DNAH3: variants seen among roughly 807,000 people sequenced by gnomAD.
DNAH3 encodes the protein axonemal beta dynein heavy chain 3.
In DNAH3, 332 loss-of-function variants were observed where a neutral mutation model predicts 432.5. The observed-to-expected ratio is 0.77, with a 90% CI of 0.70 to 0.84. The LOEUF (loss-of-function observed/expected upper bound fraction) is 0.84. DNAH3 is among the 40% of genes least tolerant of loss of function. The probability of loss-of-function intolerance (pLI) is 0.00; values close to 1 mark genes in which losing one functional copy is unlikely to be tolerated. For missense variants in DNAH3, 4,861 were observed against 5,114.0 expected, an observed-to-expected ratio of 0.95 and a Z score of 1.51; for synonymous variants, 1,956 against 1,900.2, an observed-to-expected ratio of 1.03 and a Z score of -0.76.
chr16:20,989,998 G>A (rs567669914), intron 44 of DNAH3, among the ~76,000 whole-genome samples: 1 of 152,352 alleles, frequency 6.6e-6, no homozygotes, highest in East Asian at 1.9e-4. Context: ...GCCGCGCGCA[G>A]CCCCGGTTCC....
At chr16:21,137,467 G>A (rs2092660045) in intron 5 of DNAH3, among the ~76,000 whole-genome samples, 1 of 149,580 alleles carries the variant, frequency 6.7e-6, no homozygotes, top group Admixed American at 6.7e-5. Context: ...TTGTCGCTCA[G>A]GCTGGAGTGC....
At chr16:21,107,332 C>T (rs190762760) in intron 14 of DNAH3, among the ~76,000 whole-genome samples, 128 of 149,532 alleles carry the variant, frequency 8.6e-4, no homozygotes, top group African/African-American at 3.0e-3. Flanking sequence ...CTCTGCTTCC[C>T]GGGCTCAAGC....
At chr16:20,984,208 CGTGT>C (rs142280534) in intron 48 of DNAH3, among the ~76,000 whole-genome samples, 2,291 of 149,374 alleles carry the variant, frequency 0.015, 43 homozygotes, top group African/African-American at 0.049. Context: ...CGCATGCGTG[CGTGT>C]GTGTGTGTGT....
chr16:21,009,791 C>T (rs956862892), intron 41 of DNAH3, among the ~76,000 whole-genome samples: 1 of 151,884 alleles, frequency 6.6e-6, no homozygotes, highest in African/African-American at 2.4e-5. Context: ...GGTGGGATCA[C>T]CTGGGCCTGG....
At chr16:21,151,486 C>T (rs1454599224) in intron 1 of DNAH3, among the ~76,000 whole-genome samples, 5 of 151,948 alleles carry the variant, frequency 3.3e-5, no homozygotes, top group South Asian at 2.1e-4. Flanking sequence ...TTAGTAGAGA[C>T]GGGGTTTCAC....
intron 49 of DNAH3, among the ~76,000 whole-genome samples, chr16:20,981,686 C>T (rs1018616496): frequency 1.3e-5 from 2 of 152,018 alleles, no homozygotes; most frequent in East Asian, 3.9e-4. Context: ...GATCGCACCA[C>T]TGCACTCCAA....
chr16:21,127,396 C>CAA (rs11342012), intron 8 of DNAH3, among the ~76,000 whole-genome samples: 5,143 of 136,544 alleles, frequency 0.038, 155 homozygotes, highest in East Asian at 0.18. Context: ...ACTAATAATA[C>CAA]AAAAAAAAAA....
At chr16:20,975,147 A>G (rs1437710438) in intron 51 of DNAH3, 86 bp downstream of exon 51, 1 of 1,506,522 alleles carries the variant, frequency 6.6e-7, no homozygotes, top group Non-Finnish European at 9.0e-7. Flanking sequence ...ACCCTTTCTG[A>G]GCCTCACTTT....
At chr16:21,037,678 G>A in intron 34 of DNAH3, 83 bp downstream of exon 34, 2 of 1,173,444 alleles carry the variant, frequency 1.7e-6, no homozygotes, top group Non-Finnish European at 1.2e-6. Flanking sequence ...ATGGAAGAGG[G>A]TATGGGGAAG....
At chr16:21,117,685 T>C (rs1225016340) in intron 11 of DNAH3, among the ~76,000 whole-genome samples, 2 of 152,172 alleles carry the variant, frequency 1.3e-5, no homozygotes, top group Non-Finnish European at 2.9e-5. Flanking sequence ...TCATCACAAT[T>C]GCAATTAGAT....
rs2091752642 is a variant in DNAH3, at chr16:21,098,528, TG to T, written c.2520+87del. 38 of 1,331,694 alleles carry T rather than the reference TG, an allele frequency of 2.9e-5. 1 individual carries two copies. The South Asian group carries it at 5.4e-4, about 19-fold the overall frequency. 82.5% of individuals were successfully genotyped at this position (1,331,694 alleles called of 1,614,324 possible). On this transcript the variant is annotated intron_variant, in intron 17 of 61. Coordinates refer to ENST00000261383, the Ensembl canonical transcript of DNAH3. ...TAACCAATACTATCCACCTAGTAGATGCTATTAGGAAATAGGAAATTCACAA... is the reference window on the plus strand; with the variant it reads ...TAACCAATACTATCCACCTAGTAGATCTATTAGGAAATAGGAAATTCACAA...
chr16:21,088,195 A>C (rs762964620), intron 18 of DNAH3, among the ~76,000 whole-genome samples: 3 of 152,168 alleles, frequency 2.0e-5, no homozygotes, highest in Admixed American at 6.5e-5. Flanking sequence ...GTGATTAAAA[A>C]TTTAAATTAA....
intron 1 of DNAH3, among the ~76,000 whole-genome samples, 171 bp from the exon 1 acceptor site, chr16:21,151,017 T>A (rs2092847155): frequency 6.6e-6 from 1 of 152,186 alleles, no homozygotes; most frequent in Admixed American, 6.5e-5. Context: ...TTTAGCAATG[T>A]TCCAGGAATA....
chr16:20,946,819 C>CTTTTTTTT (rs71149199), intron 57 of DNAH3, among the ~76,000 whole-genome samples: 4 of 70,900 alleles, frequency 5.6e-5, no homozygotes, highest in African/African-American at 1.2e-4. Context: ...ATTGTGAGTC[C>CTTTTTTTT]TTTTTTTTTT....
chr16:20,967,746 G>A (rs2152630445), intron 52 of DNAH3, among the ~76,000 whole-genome samples: 1 of 151,784 alleles, frequency 6.6e-6, no homozygotes, highest in East Asian at 1.9e-4. Flanking sequence ...GACCTCAGGT[G>A]ATCCTCCCAT....
At chr16:21,014,129 T>C (rs2087748182) in intron 41 of DNAH3, among the ~76,000 whole-genome samples, 2 of 152,130 alleles carry the variant, frequency 1.3e-5, no homozygotes. Flanking sequence ...AAAGACATTA[T>C]AAGAGAGGAA....
At chr16:20,990,601 C>A (rs1256028749) in intron 44 of DNAH3, among the ~76,000 whole-genome samples, 1 of 150,972 alleles carries the variant, frequency 6.6e-6, no homozygotes, top group Non-Finnish European at 1.5e-5. Context: ...TATAGGTTTG[C>A]CTGTATATCT....
rs531795359 is a variant in DNAH3, at chr16:21,080,587, G to A, written c.2969+1049C>T. ...TGGCCAGTGGATGCTGCTTTGGACA[G>A]TGCTGACCTGAAGGATTTGTTAAAA... On this transcript the variant is annotated intron_variant, in intron 20 of 61. Transcript: ENST00000261383. Among the ~76,000 whole-genome samples the A allele has an allele frequency of 2.0e-5, 3 of 152,338 alleles. No homozygotes were observed. The East Asian group carries it at 5.8e-4, about 29-fold the overall frequency.
At chr16:20,943,856 T>C (rs2152569722) in intron 58 of DNAH3, among the ~76,000 whole-genome samples, 1 of 152,172 alleles carries the variant, frequency 6.6e-6, no homozygotes, top group South Asian at 2.1e-4. Context: ...TGGTGGCATG[T>C]GCTTGTAGTC....
Sources: gnomAD v4.1 joint callset for allele counts (sites outside exome capture counted in the v4.1 genomes callset) on GRCh38, gnomAD v4.1.1 for gene constraint, MANE v1.5 for transcripts, NCBI Gene and HGNC (gene_info 2026-07-23, HGNC 2026-07-21) for gene names.